FRMD5: variants seen among roughly 807,000 people sequenced by gnomAD.
FRMD5 encodes FERM domain containing 5.
FRMD5 carries 20 observed loss-of-function variants against 69.0 expected under a neutral mutation model. The observed-to-expected ratio is 0.29, with a 90% CI of 0.20 to 0.42. The LOEUF (loss-of-function observed/expected upper bound fraction) is 0.42, where lower values mean the gene tolerates loss of function less well. Ranked by LOEUF, FRMD5 falls within the 10% of genes least tolerant of loss-of-function variation. The probability of loss-of-function intolerance (pLI) is 1.00; values close to 1 mark genes in which losing one functional copy is unlikely to be tolerated. For missense variants in FRMD5, 595 were observed against 708.6 expected (o/e 0.84, Z 1.82); for synonymous variants, 271 against 260.1 (o/e 1.04, Z -0.40).
chr15:44,192,054 G>T (rs1014530743), intron 1 of FRMD5, among the ~76,000 whole-genome samples: 6 of 151,426 alleles, frequency 4.0e-5, no homozygotes, highest in African/African-American at 1.5e-4. Flanking sequence ...GTTCTTCACA[G>T]GGGAGCAATT....
At chr15:44,181,578 G>A (rs2078001741) in intron 1 of FRMD5, among the ~76,000 whole-genome samples, 1 of 151,968 alleles carries the variant, frequency 6.6e-6, no homozygotes, top group African/African-American at 2.4e-5. Context: ...CCAGAGTTGT[G>A]CAACCCTCAC....
intron 1 of FRMD5, among the ~76,000 whole-genome samples, chr15:44,014,217 A>G (rs908196267): frequency 1.3e-5 from 2 of 152,044 alleles, no homozygotes; most frequent in Non-Finnish European, 2.9e-5. Flanking sequence ...GTCACAGAAG[A>G]CTGCAGCTGT....
intron 1 of FRMD5, among the ~76,000 whole-genome samples, chr15:44,132,657 G>A (rs1451805412): frequency 2.0e-5 from 3 of 152,086 alleles, no homozygotes; most frequent in African/African-American, 7.2e-5. Context: ...TCAAACTGCT[G>A]GACTCAAGCG....
chr15:43,875,136 A>G (rs114684018), intron 13 of FRMD5, among the ~76,000 whole-genome samples: 2,763 of 152,012 alleles, frequency 0.018, 82 homozygotes, highest in African/African-American at 0.063. Context: ...GGCAGAGGTT[A>G]TAGTTAGCAG....
At chr15:43,902,123 G>A in intron 7 of FRMD5, 52 bp downstream of exon 7, 2 of 1,363,094 alleles carry the variant, frequency 1.5e-6, no homozygotes, top group Non-Finnish European at 2.1e-6. Flanking sequence ...TCTTGCTCCT[G>A]ATGCCTTCTA....
rs137908198 is a variant in FRMD5 at position 43,976,793 on chromosome 15, A to C, written c.103-52484T>G. The stretch of plus-strand genomic sequence containing the variant: ...GTGATTCTCCTGCCTCAGTCTCCCA[A>C]GTAGCTGGGATTACAGGCATGTACT... On this transcript the variant is annotated intron_variant, in intron 1 of 13. Coordinates refer to ENST00000417257, the MANE Select transcript of FRMD5 (RefSeq NM_032892.5). 2.1e-3 allele frequency among the ~76,000 whole-genome samples: 316 copies of C among 151,882 alleles called. 2 individuals are homozygous for C. Among genetic ancestry groups the C allele is most frequent in the African/African-American group, 7.4e-3 (307 of 41,434 alleles).
rs147219727 is a variant in FRMD5, at chr15:43,904,294, C to T, written c.551+1534G>A. Among the ~76,000 whole-genome samples, 193 of 152,262 alleles carry T rather than the reference C, an allele frequency of 1.3e-3. 1 individual carries two copies. The highest frequency in any genetic ancestry group is 2.1e-3 in the Non-Finnish European group (140 of 68,022). ...CCTGTTGCCAGGCATAGTCTTTCCT[C>T]GGAACAGTAGATACACAAACCTTTT... On this transcript the variant is annotated intron_variant, in intron 6 of 13. Transcript: ENST00000417257.
chr15:43,994,516 G>A (rs963549950), intron 1 of FRMD5, among the ~76,000 whole-genome samples: 1 of 152,130 alleles, frequency 6.6e-6, no homozygotes, highest in East Asian at 1.9e-4. Context: ...GTGCAATACT[G>A]GCCTCCCAGG....
intron 13 of FRMD5, among the ~76,000 whole-genome samples, chr15:43,875,390 A>ATATATATATATATGTATG (rs1385798025): frequency 2.4e-5 from 3 of 124,828 alleles, no homozygotes; most frequent in African/African-American, 1.0e-4. Context: ...ATATATATAT[A>ATATATATATATATGTATG]TATGTATGTA....
intron 5 of FRMD5, among the ~76,000 whole-genome samples, chr15:43,907,880 G>C (rs1481544824): frequency 6.6e-6 from 1 of 152,064 alleles, no homozygotes; most frequent in African/African-American, 2.4e-5. Flanking sequence ...GGGCTCAAGT[G>C]ATCTTCCACC....
At chr15:44,146,901 T>C (rs1291262874) in intron 1 of FRMD5, among the ~76,000 whole-genome samples, 1 of 152,120 alleles carries the variant, frequency 6.6e-6, no homozygotes, top group African/African-American at 2.4e-5. Flanking sequence ...ATTAGACCTT[T>C]GTCAGATTAC....
intron 1 of FRMD5, among the ~76,000 whole-genome samples, chr15:44,146,528 G>A (rs1328048612): frequency 2.0e-5 from 3 of 152,188 alleles, no homozygotes; most frequent in Non-Finnish European, 2.9e-5. Flanking sequence ...GGATTGCTGG[G>A]TCAAATGGTA....
intron 1 of FRMD5, among the ~76,000 whole-genome samples, chr15:44,116,884 C>T (rs1269857911): frequency 6.6e-6 from 1 of 151,882 alleles, no homozygotes; most frequent in Admixed American, 6.6e-5. Context: ...GAGTTCGAGA[C>T]CAGCCTGGGC....
intron 1 of FRMD5, among the ~76,000 whole-genome samples, chr15:44,037,559 C>T (rs1175290667): frequency 6.6e-6 from 1 of 151,422 alleles, no homozygotes; most frequent in Admixed American, 6.6e-5. Context: ...CCTCTGCCTC[C>T]CAGGTTCGAG....
At chr15:44,118,823 T>C (rs1259294457) in intron 1 of FRMD5, among the ~76,000 whole-genome samples, 1 of 152,204 alleles carries the variant, frequency 6.6e-6, no homozygotes, top group Non-Finnish European at 1.5e-5. Context: ...TCACCCAGGC[T>C]GGAGTGCAGT....
At chr15:43,978,095 C>T (rs1005830850) in intron 1 of FRMD5, among the ~76,000 whole-genome samples, 2 of 152,124 alleles carry the variant, frequency 1.3e-5, no homozygotes, top group African/African-American at 4.8e-5. Flanking sequence ...GATTCCTGAC[C>T]GGGACCGCTT....
chr15:44,080,353 C>T (rs913445045), intron 1 of FRMD5, among the ~76,000 whole-genome samples: 7 of 151,976 alleles, frequency 4.6e-5, no homozygotes, highest in African/African-American at 1.2e-4. Context: ...GATCAGTTCT[C>T]GTGTGTGCCT....
In FRMD5 at chr15:44,011,046, G is replaced by C. The variant is rs573697556; in HGVS notation, c.103-86737C>G. ...GTGGAAAAGAGGTACAGATAATTTA[G>C]AAGAGACAGAACATTTGGCTAGTGG... On this transcript the variant is annotated intron_variant, in intron 1 of 13. Transcript: ENST00000417257. 6.6e-5 allele frequency among the ~76,000 whole-genome samples: 10 copies of C among 152,218 alleles called. No individual in the cohort carries two copies. The South Asian group carries it at 2.1e-3, about 32-fold the overall frequency.
At position 43,904,576 on chromosome 15, in the gene FRMD5, G is replaced by A. The variant is rs140581715; in HGVS notation, c.551+1252C>T. ...CATTTTTAGTAGAGACAGGGTTTTCGCCATGTTGCCCAGGCTGGTCTCGAA... is the reference window on the plus strand; with the variant it reads ...CATTTTTAGTAGAGACAGGGTTTTCACCATGTTGCCCAGGCTGGTCTCGAA... On this transcript the variant is annotated intron_variant, in intron 6 of 13. Transcript: ENST00000417257. 4.2e-3 allele frequency among the ~76,000 whole-genome samples: 643 copies of A among 151,958 alleles called. 9 individuals carry two copies. The highest frequency in any genetic ancestry group is 0.014 in the African/African-American group (563 of 41,448).
Sources: allele counts gnomAD v4.1 joint callset (sites outside exome capture counted in the v4.1 genomes callset), GRCh38; gene constraint gnomAD v4.1.1; transcripts MANE v1.5; gene names NCBI Gene and HGNC (gene_info 2026-07-23, HGNC 2026-07-21).